RIMS4: variants seen among roughly 807,000 people sequenced by gnomAD.
RIMS4 encodes the protein regulating synaptic membrane exocytosis protein 4.
In RIMS4, 9 loss-of-function variants were observed where a neutral mutation model predicts 29.0. That is an observed-to-expected ratio of 0.31 (90% confidence interval 0.19 to 0.54). The LOEUF is 0.54. Ranked by LOEUF, RIMS4 falls within the 20% of genes least tolerant of loss-of-function variation. RIMS4 has a pLI of 0.94. For missense variants in RIMS4, 193 were observed against 365.7 expected (o/e 0.53, Z 3.85); for synonymous variants, 130 against 152.9 (o/e 0.85, Z 1.10).
At chr20:44,774,578 T>C (rs1336335663) in intron 1 of RIMS4, among the ~76,000 whole-genome samples, 1 of 152,212 alleles carries the variant, frequency 6.6e-6, no homozygotes, top group African/African-American at 2.4e-5. Context: ...GCTTCCTTGC[T>C]CCTCAGCTTG....
intron 1 of RIMS4, among the ~76,000 whole-genome samples, chr20:44,806,719 A>G (rs936053410): frequency 1.3e-5 from 2 of 152,180 alleles, no homozygotes; most frequent in Non-Finnish European, 2.9e-5. Context: ...TGCACAGCAC[A>G]AACAGCATAA....
chr20:44,801,319 T>C (rs574666783), intron 1 of RIMS4, among the ~76,000 whole-genome samples: 3 of 152,168 alleles, frequency 2.0e-5, no homozygotes, highest in Non-Finnish European at 4.4e-5. Context: ...TCTCATCACA[T>C]CAAGGTTGGT....
intron 1 of RIMS4, among the ~76,000 whole-genome samples, chr20:44,789,142 A>C (rs574129954): frequency 1.4e-4 from 22 of 152,126 alleles, no homozygotes; most frequent in African/African-American, 1.7e-4. Flanking sequence ...CTAACAGGGT[A>C]GAAGAAAAAA....
At chr20:44,760,727 C>T (rs562433061) in intron 2 of RIMS4, among the ~76,000 whole-genome samples, 8 of 152,334 alleles carry the variant, frequency 5.3e-5, no homozygotes, top group Admixed American at 3.3e-4. Context: ...TTACTGAGCA[C>T]ATACTATGCA....
At chr20:44,797,577 A>T (rs923770731) in intron 1 of RIMS4, among the ~76,000 whole-genome samples, 1 of 152,192 alleles carries the variant, frequency 6.6e-6, no homozygotes, top group African/African-American at 2.4e-5. Flanking sequence ...ATTCTATTAG[A>T]CTGCTTCCAC....
Position 44,763,063 on chromosome 20 carries a change from A to G in RIMS4, c.237-4879T>C, listed in dbSNP as rs542935674. Among the ~76,000 whole-genome samples, 3 of 152,350 alleles carry G rather than the reference A, an allele frequency of 2.0e-5. No individual in the cohort carries two copies. The South Asian group carries it at 6.2e-4, about 32-fold the overall frequency. On this transcript the variant is annotated intron_variant, in intron 2 of 5. Coordinates refer to ENST00000372851, the MANE Select transcript of RIMS4 (RefSeq NM_182970.4). The stretch of plus-strand genomic sequence containing the variant: ...ACAGGGGTATAAAAGAGCTTATTGC[A>G]TTAAGTGCTGCATATGTGCTACAAC...
chr20:44,777,204 A>G (rs534185066), intron 1 of RIMS4, among the ~76,000 whole-genome samples: 2 of 152,320 alleles, frequency 1.3e-5, no homozygotes, highest in East Asian at 1.9e-4. Context: ...GATAGCGCCC[A>G]CACTGCCCAT....
Position 44,771,430 on chromosome 20 carries a change from C to G in RIMS4, c.98-17G>C, listed in dbSNP as rs766743591. The G allele has an allele frequency of 6.2e-7, 1 of 1,601,538 alleles. No individual in the cohort carries two copies. Among genetic ancestry groups the G allele is most frequent in the Non-Finnish European group, 8.5e-7 (1 of 1,171,426 alleles). Reference sequence around the variant, plus strand: ...GGCTGTCCCCTTCTGGGCAAAGCGGCCAAGAGAGATGGGAAGAGAGACACA... The same window carrying G: ...GGCTGTCCCCTTCTGGGCAAAGCGGGCAAGAGAGATGGGAAGAGAGACACA... On this transcript the variant is annotated splice_polypyrimidine_tract_variant and intron_variant, in intron 1 of 5. Coordinates refer to ENST00000372851, the MANE Select transcript of RIMS4 (RefSeq NM_182970.4).
chr20:44,782,647 G>C (rs1296415429), intron 1 of RIMS4, among the ~76,000 whole-genome samples: 5 of 152,164 alleles, frequency 3.3e-5, no homozygotes, highest in Non-Finnish European at 5.9e-5. Context: ...AGGGTGAAGG[G>C]GCAGGCCCTA....
At chr20:44,772,315 G>A (rs1568898177) in intron 1 of RIMS4, among the ~76,000 whole-genome samples, 1 of 152,228 alleles carries the variant, frequency 6.6e-6, no homozygotes, top group East Asian at 1.9e-4. Context: ...CCACCCAAAT[G>A]CGTTAAACAA....
At chr20:44,794,991 A>G (rs1316978241) in intron 1 of RIMS4, among the ~76,000 whole-genome samples, 2 of 152,202 alleles carry the variant, frequency 1.3e-5, no homozygotes, top group Non-Finnish European at 2.9e-5. Context: ...CCTTAAGCTC[A>G]AGCCCAAGAG....
At chr20:44,766,617 C>G (rs1342592256) in intron 2 of RIMS4, among the ~76,000 whole-genome samples, 1 of 152,104 alleles carries the variant, frequency 6.6e-6, no homozygotes, top group Non-Finnish European at 1.5e-5. Context: ...TTCAAGAGAT[C>G]ATTAAGAATA....
chr20:44,806,370 A>G (rs1253869600), intron 1 of RIMS4, among the ~76,000 whole-genome samples: 1 of 152,132 alleles, frequency 6.6e-6, no homozygotes, highest in East Asian at 1.9e-4. Context: ...GGGACTGTAG[A>G]TGTGATTGGT....
intron 1 of RIMS4, among the ~76,000 whole-genome samples, chr20:44,777,698 G>C (rs1464366097): frequency 6.6e-6 from 1 of 152,148 alleles, no homozygotes; most frequent in Non-Finnish European, 1.5e-5. Flanking sequence ...TCCCCACTTT[G>C]ACATTTTATT....
rs2066048056 is a variant in RIMS4, at chr20:44,754,219, C to T, written c.*1915G>A. On this transcript the variant is annotated 3_prime_UTR_variant, in exon 6 of 6. Coordinates refer to ENST00000372851, the MANE Select transcript of RIMS4 (RefSeq NM_182970.4). ...CCTTGGGATTCCACCCACCGCGGTC[C>T]CAGGAAACTCTGAAGACCTCCTGGG... 1 of 152,378 alleles carries T rather than the reference C, an allele frequency of 6.6e-6. No homozygotes were observed. The highest frequency in any genetic ancestry group is 2.4e-5 in the African/African-American group (1 of 41,444). 9.4% of individuals were successfully genotyped at this position (152,378 alleles called of 1,614,324 possible). A position where few individuals can be genotyped will look rare whatever the true frequency, so the allele number is the denominator to read the frequency against.
At chr20:44,782,681 C>T (rs1439797652) in intron 1 of RIMS4, among the ~76,000 whole-genome samples, 1 of 152,174 alleles carries the variant, frequency 6.6e-6, no homozygotes, top group Admixed American at 6.5e-5. Context: ...GGTCTCATGG[C>T]AGAGGAATGA....
At chr20:44,757,308 C>T (rs2066064900) in intron 4 of RIMS4, among the ~76,000 whole-genome samples, 1 of 151,998 alleles carries the variant, frequency 6.6e-6, no homozygotes, top group Non-Finnish European at 1.5e-5. Context: ...CTCTCTCAGT[C>T]CATAATGTGC....
At chr20:44,806,645 A>T (rs187405929) in intron 1 of RIMS4, among the ~76,000 whole-genome samples, 4 of 152,338 alleles carry the variant, frequency 2.6e-5, no homozygotes, top group Non-Finnish European at 4.4e-5. Context: ...TCTCAGTAAT[A>T]AGATAGATAA....
rs1028720255 is a variant in RIMS4, at chr20:44,771,563, T to C, written c.98-150A>G. On this transcript the variant is annotated intron_variant, in intron 1 of 5. Coordinates refer to ENST00000372851, the MANE Select transcript of RIMS4 (RefSeq NM_182970.4). ...CAGCCCATCAACCTCCTCAGACTCCTGGCCTCACCAGTAACCACTCCACCA... is the reference window on the plus strand; with the variant it reads ...CAGCCCATCAACCTCCTCAGACTCCCGGCCTCACCAGTAACCACTCCACCA... 6 of 705,042 alleles carry C rather than the reference T, an allele frequency of 8.5e-6. No individual in the cohort carries two copies. In the African/African-American group the frequency reaches 1.1e-4, roughly 13 times the overall value. The allele number at this position is 705,042 out of a possible 1,614,324, so 43.7% of individuals were successfully genotyped here. A position where few individuals can be genotyped will look rare whatever the true frequency, so the allele number is the denominator to read the frequency against.
Sources: gnomAD v4.1 joint callset for allele counts (sites outside exome capture counted in the v4.1 genomes callset) on GRCh38, gnomAD v4.1.1 for gene constraint, MANE v1.5 for transcripts, NCBI Gene and HGNC (gene_info 2026-07-23, HGNC 2026-07-21) for gene names.